DNAH9: variants seen among roughly 807,000 people sequenced by gnomAD.
The protein encoded by DNAH9 is DNAH9 variant protein.
A neutral mutation model predicts 471.6 loss-of-function variants in DNAH9; 345 were observed. The ratio of observed to expected loss-of-function variants is 0.73; its 90% CI spans 0.67 to 0.80. DNAH9 has a LOEUF of 0.80. Ranked by LOEUF, DNAH9 falls within the 30% of genes least tolerant of loss-of-function variation. The pLI is 0.00. For missense variants in DNAH9, 5,407 were observed against 5,609.2 expected, an observed-to-expected ratio of 0.96 and a Z score of 1.15; for synonymous variants, 2,093 against 2,123.6, an observed-to-expected ratio of 0.99 and a Z score of 0.40.
At position 11,894,442 on chromosome 17, in the gene DNAH9, G is replaced by A. The variant is rs1460065428; in HGVS notation, c.11352G>A (p.Thr3784=). ...TCCTGCTTCGATCTCCAGTGCAGAC[G>A]GGCACCGCCAGCCCCGTGGAGTTCC... ...LDFLLRSPVQ[T]GTASPVEFLS... Residue 3784 remains threonine, a synonymous_variant, in exon 59 of 69, where the codon ACG becomes ACA. Coordinates refer to ENST00000262442, the MANE Select transcript of DNAH9 (RefSeq NM_001372.4). 15 of 1,613,992 alleles carry A rather than the reference G, an allele frequency of 9.3e-6. No individual in the cohort carries two copies. The highest frequency in any genetic ancestry group is 1.7e-5 in the Admixed American group (1 of 59,994).
At chr17:11,717,471 A>T (rs1023551666) in intron 26 of DNAH9, among the ~76,000 whole-genome samples, 7 of 152,116 alleles carry the variant, frequency 4.6e-5, no homozygotes, top group African/African-American at 1.7e-4. Flanking sequence ...GTGTCTTCAG[A>T]GTCTCAGAGT....
intron 48 of DNAH9, among the ~76,000 whole-genome samples, chr17:11,829,796 T>C (rs1203428971): frequency 6.6e-6 from 1 of 152,240 alleles, no homozygotes; most frequent in South Asian, 2.1e-4. Flanking sequence ...TTTAGACTTA[T>C]AATTTCATTA....
At chr17:11,939,204 C>T (rs1324486640) in intron 66 of DNAH9, among the ~76,000 whole-genome samples, 1 of 152,132 alleles carries the variant, frequency 6.6e-6, no homozygotes, top group Non-Finnish European at 1.5e-5. Flanking sequence ...TATCACTCTA[C>T]TCAGTCTATT....
At chr17:11,939,383 C>T (rs1204105919) in intron 66 of DNAH9, among the ~76,000 whole-genome samples, 1 of 152,184 alleles carries the variant, frequency 6.6e-6, no homozygotes, top group Non-Finnish European at 1.5e-5. Flanking sequence ...TATCCCCTCC[C>T]CCAGCTAACC....
At chr17:11,664,692 G>A in intron 14 of DNAH9, 141 bp from the exon 15 acceptor site, 1 of 685,834 alleles carries the variant, frequency 1.5e-6, no homozygotes. Context: ...ATTAGGCAGA[G>A]TGGATTCGAT....
intron 14 of DNAH9, among the ~76,000 whole-genome samples, chr17:11,656,687 TACC>T (rs1238903382): frequency 1.3e-5 from 2 of 152,288 alleles, no homozygotes; most frequent in South Asian, 2.1e-4. Flanking sequence ...CTCAGGTAAC[TACC>T]ACAATACAGA....
chr17:11,892,340 C>T lies in DNAH9; in HGVS notation c.11283+393C>T, dbSNP rs1395698865. ...AGAGTATCCATCATTGTTTATTTAC[C>T]TTTAGACTGCAAGTTTACTGATGCA... On this transcript the variant is annotated intron_variant, in intron 58 of 68. Transcript: ENST00000262442. This position sits in a 1 kb window ranked among gnomAD's most constrained non-coding sequence, Gnocchi z 4.3. Among the ~76,000 whole-genome samples, 1 of 152,060 alleles carries T rather than the reference C, an allele frequency of 6.6e-6. No individual in the cohort carries two copies. The highest frequency in any genetic ancestry group is 2.4e-5 in the African/African-American group (1 of 41,396).
In DNAH9 at chr17:11,636,685, A is replaced by C. The variant is rs140815859; in HGVS notation, c.1687A>C (p.Thr563Pro). The change falls in exon 9 of 69, where the codon ACA (threonine) becomes CCA (proline). Residue 563 changes from threonine (T) to proline (P), a missense_variant. Physicochemically the swap from Thr to Pro is conservative, Grantham distance 38 (BLOSUM62 -1). Around this residue, in one of 3 missense-constraint regions of DNAH9, gnomAD observed 4,636 missense variants for 4,900.3 expected, o/e 0.95. Transcript: ENST00000262442. ...TGAAAGACCGCTGGTAGCGAGGGAT[A>C]CATCTGATAAATACCTGGTCCTCAT... ...LLERPLVARD[T>P]SDKYLVLIQM... is the part of the protein sequence containing the mutation. 2 of 1,613,682 alleles carry C rather than the reference A, an allele frequency of 1.2e-6. No individual in the cohort carries two copies. The highest frequency in any genetic ancestry group is 1.7e-6 in the Non-Finnish European group (2 of 1,179,552).
rs774381937 is a variant in DNAH9 at position 11,880,058 on chromosome 17, A to T, written c.10479-20A>T. ...GCTTGCCACAGTCTCATACTCCCGG[A>T]CTCATACTTGTTTCCCTAGCTACCT... On this transcript the variant is annotated intron_variant, in intron 53 of 68. Coordinates refer to ENST00000262442, the MANE Select transcript of DNAH9 (RefSeq NM_001372.4). 13 of 1,613,236 alleles carry T rather than the reference A, an allele frequency of 8.1e-6. No homozygotes were observed. The South Asian group carries it at 1.4e-4, about 18-fold the overall frequency.
At chr17:11,816,881 A>C (rs917044432) in intron 45 of DNAH9, among the ~76,000 whole-genome samples, 1 of 152,116 alleles carries the variant, frequency 6.6e-6, no homozygotes, top group African/African-American at 2.4e-5. Context: ...CTTTCGGTGA[A>C]ACCTCGTATC....
intron 49 of DNAH9, among the ~76,000 whole-genome samples, chr17:11,852,213 T>C (rs1971447186): frequency 6.6e-6 from 1 of 152,182 alleles, no homozygotes; most frequent in Non-Finnish European, 1.5e-5. Context: ...GGCATAAGAA[T>C]CTAATTTTTG....
In DNAH9 at chr17:11,969,378, G is replaced by A; in HGVS notation, c.13312G>A (p.Asp4438Asn). Residue 4438 changes from aspartate (D) to asparagine (N), a missense_variant, in exon 69 of 69, where the codon GAT (aspartate) becomes AAT (asparagine). By Grantham distance (23) the Asp-to-Asn change is conservative. This residue lies in a region of DNAH9 where 4,636 missense variants were observed against 4,900.3 expected (regional missense o/e 0.95). Coordinates refer to ENST00000262442, the MANE Select transcript of DNAH9 (RefSeq NM_001372.4). Reference sequence around the variant, plus strand: ...GATGTTCATCAAGGCCATTCCTGCAGATAAGCAGGACTGCCGCAGTGTCTA... The same window carrying A: ...GATGTTCATCAAGGCCATTCCTGCAAATAAGCAGGACTGCCGCAGTGTCTA... ...PVMFIKAIPADKQDCRSVYSC... is the reference protein window; with the variant it reads ...PVMFIKAIPANKQDCRSVYSC... 6.2e-7 allele frequency: 1 copy of A among 1,614,104 alleles called. No individual in the cohort carries two copies. The highest frequency in any genetic ancestry group is 8.5e-7 in the Non-Finnish European group (1 of 1,180,008).
chr17:11,776,971 G>C (rs1405897584), intron 38 of DNAH9, among the ~76,000 whole-genome samples: 1 of 152,090 alleles, frequency 6.6e-6, no homozygotes, highest in Non-Finnish European at 1.5e-5. Flanking sequence ...ACAACATAAT[G>C]GTCCGCCCTT....
At chr17:11,661,128 T>TAAA (rs2073752368) in intron 14 of DNAH9, among the ~76,000 whole-genome samples, 1 of 152,156 alleles carries the variant, frequency 6.6e-6, no homozygotes, top group African/African-American at 2.4e-5. Flanking sequence ...TTTATAATTA[T>TAAA]TACAACTTCC....
intron 11 of DNAH9, 141 bp downstream of exon 11, chr17:11,644,840 T>A (rs2073350347): frequency 1.6e-6 from 1 of 629,184 alleles, no homozygotes; most frequent in African/African-American, 1.9e-5. Flanking sequence ...TATTTGTGAG[T>A]ACAGTATTTC....
chr17:11,843,275 G>C (rs56202621), intron 49 of DNAH9, among the ~76,000 whole-genome samples: 76,002 of 151,966 alleles, frequency 0.5, 19,512 homozygotes, highest in Non-Finnish European at 0.55. Flanking sequence ...AAAAATAAAA[G>C]GGAAAGTTAA....
At chr17:11,706,730 G>A (rs925275576) in intron 26 of DNAH9, among the ~76,000 whole-genome samples, 1 of 152,154 alleles carries the variant, frequency 6.6e-6, no homozygotes, top group Non-Finnish European at 1.5e-5. Flanking sequence ...CTGTTCACAC[G>A]TAACTTTTTT....
At chr17:11,707,059 G>A (rs1002906400) in intron 26 of DNAH9, among the ~76,000 whole-genome samples, 1 of 152,238 alleles carries the variant, frequency 6.6e-6, no homozygotes, top group African/African-American at 2.4e-5. Context: ...GTAAAGGACA[G>A]TGAGGGCAGA....
chr17:11,936,705 G>C (rs927508572), intron 65 of DNAH9, among the ~76,000 whole-genome samples: 1 of 152,106 alleles, frequency 6.6e-6, no homozygotes, highest in Admixed American at 6.5e-5. Flanking sequence ...GGATTTTTAG[G>C]CATTAGGCAT....
Sources: gnomAD v4.1 joint callset for allele counts (sites outside exome capture counted in the v4.1 genomes callset) on GRCh38, gnomAD v4.1.1 for gene constraint, gnomAD v4.1.1 regional missense constraint, Gnocchi (gnomAD v3.1) non-coding constraint, MANE v1.5 for transcripts, NCBI Gene and HGNC (gene_info 2026-07-23, HGNC 2026-07-21) for gene names.